Variants in CDH12 observed in about 807,000 individuals in gnomAD.
CDH12 encodes cadherin-12.
Under a neutral mutation model 74.1 loss-of-function variants are expected in CDH12, and 41 were observed. The observed-to-expected ratio is 0.55, with a 90% CI of 0.43 to 0.72. The LOEUF (loss-of-function observed/expected upper bound fraction) is 0.72, where lower values mean the gene tolerates loss of function less well. CDH12 is among the 30% of genes least tolerant of loss of function. The probability of loss-of-function intolerance (pLI) is 0.00; values close to 1 mark genes in which losing one functional copy is unlikely to be tolerated. For synonymous variants in CDH12, 399 were observed against 355.0 expected, an observed-to-expected ratio of 1.12 and a Z score of -1.39; for missense variants, 945 against 977.2, an observed-to-expected ratio of 0.97 and a Z score of 0.44.
intron 4 of CDH12, among the ~76,000 whole-genome samples, chr5:22,138,768 C>T (rs1402161221): frequency 6.9e-6 from 1 of 144,622 alleles, no homozygotes; most frequent in South Asian, 2.1e-4. Context: ...GGACATGACA[C>T]ATTTTATCTT....
chr5:22,799,000 T>C (rs1338055838), intron 1 of CDH12, among the ~76,000 whole-genome samples: 1 of 152,028 alleles, frequency 6.6e-6, no homozygotes, highest in Non-Finnish European at 1.5e-5. Flanking sequence ...ACCTGTGGTT[T>C]CAGGTACTTG....
At chr5:22,292,468 T>C (rs975760557) in intron 3 of CDH12, among the ~76,000 whole-genome samples, 11 of 150,942 alleles carry the variant, frequency 7.3e-5, no homozygotes, top group Admixed American at 4.0e-4. Context: ...ATCTAGAGAA[T>C]TGGACAAAGT....
At chr5:22,508,065 A>G (rs899151899) in intron 1 of CDH12, among the ~76,000 whole-genome samples, 1 of 152,200 alleles carries the variant, frequency 6.6e-6, no homozygotes, top group African/African-American at 2.4e-5. Context: ...TTCAGCTAAT[A>G]CAGGATAATC....
chr5:22,377,032 C>T (rs1347448455), intron 3 of CDH12, among the ~76,000 whole-genome samples: 1 of 152,076 alleles, frequency 6.6e-6, no homozygotes, highest in East Asian at 1.9e-4. Context: ...TTACTGAAGG[C>T]AACAAGCAGA....
At chr5:22,679,006 G>A (rs1284836679) in intron 1 of CDH12, among the ~76,000 whole-genome samples, 2 of 152,088 alleles carry the variant, frequency 1.3e-5, no homozygotes, top group East Asian at 1.9e-4. Flanking sequence ...AGTTCATGGA[G>A]TACAGTTGAG....
intron 5 of CDH12, among the ~76,000 whole-genome samples, chr5:22,075,270 C>G (rs1404640613): frequency 3.1e-5 from 4 of 130,964 alleles, no homozygotes; most frequent in Non-Finnish European, 6.1e-5. Context: ...TGAGAACACT[C>G]GGACACTTGA....
intron 3 of CDH12, among the ~76,000 whole-genome samples, chr5:22,256,064 T>C (rs1467025747): frequency 6.6e-6 from 1 of 152,114 alleles, no homozygotes; most frequent in African/African-American, 2.4e-5. Flanking sequence ...CATCAACATA[T>C]ATATGAGGAA....
chr5:22,542,418 A>G (rs1431458473), intron 1 of CDH12, among the ~76,000 whole-genome samples: 2 of 152,192 alleles, frequency 1.3e-5, no homozygotes, highest in Non-Finnish European at 2.9e-5. Flanking sequence ...CATGATTGCT[A>G]CTAAGTTATT....
At chr5:22,105,166 A>G (rs1344505712) in intron 4 of CDH12, among the ~76,000 whole-genome samples, 1 of 151,858 alleles carries the variant, frequency 6.6e-6, no homozygotes, top group Non-Finnish European at 1.5e-5. Context: ...ATCTCAGCTC[A>G]CTACAACCTC....
intron 4 of CDH12, chr5:22,142,468 T>A (rs971359361): frequency 3.3e-6 from 2 of 609,644 alleles, no homozygotes; most frequent in African/African-American, 3.7e-5. Flanking sequence ...TAGAAGGATC[T>A]GTAGCTTTTC....
chr5:22,069,074 T>A (rs940033755), intron 5 of CDH12, among the ~76,000 whole-genome samples: 1 of 152,138 alleles, frequency 6.6e-6, no homozygotes, highest in Non-Finnish European at 1.5e-5. Flanking sequence ...GGATGCAGAT[T>A]TTCCTTCCAA....
chr5:22,153,667 A>C (rs1293247448), intron 4 of CDH12, among the ~76,000 whole-genome samples: 2 of 149,966 alleles, frequency 1.3e-5, no homozygotes. Flanking sequence ...CCAAATGAGA[A>C]ACTTGATGTA....
intron 1 of CDH12, among the ~76,000 whole-genome samples, chr5:22,591,661 A>G (rs1445088425): frequency 2.0e-5 from 3 of 152,130 alleles, no homozygotes; most frequent in South Asian, 2.1e-4. Flanking sequence ...TCACTGCCCT[A>G]TTGGAGTCAC....
At chr5:22,734,517 C>T (rs1744585984) in intron 1 of CDH12, among the ~76,000 whole-genome samples, 1 of 151,812 alleles carries the variant, frequency 6.6e-6, no homozygotes, top group South Asian at 2.1e-4. Flanking sequence ...AAAACCATGG[C>T]TATAGTCATT....
chr5:22,533,217 C>T (rs1737672918), intron 1 of CDH12, among the ~76,000 whole-genome samples: 1 of 152,006 alleles, frequency 6.6e-6, no homozygotes, highest in African/African-American at 2.4e-5. Context: ...AAGGGCACTC[C>T]CAGCAAGGAA....
chr5:22,411,264 G>A (rs1359669176), intron 2 of CDH12, among the ~76,000 whole-genome samples: 5 of 151,728 alleles, frequency 3.3e-5, no homozygotes, highest in African/African-American at 4.8e-5. Flanking sequence ...ATATACCAAT[G>A]GAAAACTATA....
At chr5:22,009,781 C>T (rs183270640) in intron 5 of CDH12, among the ~76,000 whole-genome samples, 17 of 151,710 alleles carry the variant, frequency 1.1e-4, no homozygotes, top group Admixed American at 1.1e-3. Flanking sequence ...AGTTCCAGAC[C>T]AGCCTGGCCA....
intron 3 of CDH12, among the ~76,000 whole-genome samples, chr5:22,271,848 G>C (rs1300001662): frequency 6.6e-6 from 1 of 151,774 alleles, no homozygotes; most frequent in Non-Finnish European, 1.5e-5. Flanking sequence ...TAGGTGAACT[G>C]TGTTATAAAC....
chr5:22,764,162 A>G (rs1746378597), intron 1 of CDH12, among the ~76,000 whole-genome samples: 1 of 151,842 alleles, frequency 6.6e-6, no homozygotes, highest in Non-Finnish European at 1.5e-5. Flanking sequence ...CTTTATACAG[A>G]TTCTTTAATT....
Sources: allele counts gnomAD v4.1 joint callset (sites outside exome capture counted in the v4.1 genomes callset), GRCh38; gene constraint gnomAD v4.1.1; transcripts MANE v1.5; gene names NCBI Gene and HGNC (gene_info 2026-07-23, HGNC 2026-07-21).